The following KIAA0513 variants were observed in gnomAD, a reference collection of about 807,000 sequenced individuals.
KIAA0513 encodes KIAA0513.
KIAA0513 carries 39 observed loss-of-function variants against 56.5 expected under a neutral mutation model. That is an observed-to-expected ratio of 0.69 (90% CI 0.53 to 0.90). The LOEUF (loss-of-function observed/expected upper bound fraction) is 0.90, where lower values mean the gene tolerates loss of function less well. Among genes scored for constraint, KIAA0513 ranks in the 40% least tolerant of loss-of-function variants. The pLI is 0.00. For synonymous variants in KIAA0513, 268 were observed against 215.6 expected (o/e 1.24, Z -2.13); for missense variants, 591 against 535.2 (o/e 1.10, Z -1.03).
At position 85,056,473 on chromosome 16, in the gene KIAA0513, G is replaced by A. The variant is rs374252409; in HGVS notation, c.-172-10427G>A. Among the ~76,000 whole-genome samples the A allele has an allele frequency of 6.6e-5, 10 of 152,234 alleles. No individual in the cohort carries two copies. The East Asian group carries it at 1.4e-3, about 21-fold the overall frequency. On this transcript the variant is annotated intron_variant, in intron 1 of 12. Transcript: ENST00000683363. Reference sequence around the variant, plus strand: ...AGGGCAGCTTCACAGCCCACCCCACGGGAAATGCCTGACTTTCTCCATGTG... The same window carrying A: ...AGGGCAGCTTCACAGCCCACCCCACAGGAAATGCCTGACTTTCTCCATGTG...
intron 1 of KIAA0513, among the ~76,000 whole-genome samples, chr16:85,051,528 G>C (rs1241462023): frequency 6.6e-6 from 1 of 152,158 alleles, no homozygotes; most frequent in African/African-American, 2.4e-5. Context: ...AGACCCCAGA[G>C]AACTGTTCCG....
rs562307542 is a variant in KIAA0513, at chr16:85,076,180, G to A, written c.574+266G>A. ...TGCAAAGGAAACTCCTGAGCTGGTAGGAGATGAGAAAAGAAACAAGCTAGG... is the reference window on the plus strand; with the variant it reads ...TGCAAAGGAAACTCCTGAGCTGGTAAGAGATGAGAAAAGAAACAAGCTAGG... On this transcript the variant is annotated intron_variant, in intron 5 of 12. Transcript: ENST00000683363. This position sits in a 1 kb window ranked among gnomAD's most constrained non-coding sequence, Gnocchi z 4.7. Among the ~76,000 whole-genome samples, 53 of 152,322 alleles carry A rather than the reference G, an allele frequency of 3.5e-4. No homozygotes were observed. Among genetic ancestry groups the A allele is most frequent in the African/African-American group, 1.3e-3 (53 of 41,566 alleles).
Position 85,073,129 on chromosome 16 carries a change from C to A in KIAA0513, c.503+131C>A, listed in dbSNP as rs1034954381. On this transcript the variant is annotated intron_variant, in intron 4 of 12. Coordinates refer to ENST00000683363, the MANE Select transcript of KIAA0513 (RefSeq NM_001388359.1). Reference sequence around the variant, plus strand: ...CACTAGTCATCAGGTTGCAGTTGCTCTGCTACGCCCAGCATTCAGCTAAAA... The same window carrying A: ...CACTAGTCATCAGGTTGCAGTTGCTATGCTACGCCCAGCATTCAGCTAAAA... 14 of 780,812 alleles carry A rather than the reference C, an allele frequency of 1.8e-5. No individual in the cohort carries two copies. In the African/African-American group the frequency reaches 2.2e-4, roughly 12 times the overall value. 48.4% of individuals were successfully genotyped at this position (780,812 alleles called of 1,614,324 possible). A position where few individuals can be genotyped will look rare whatever the true frequency, so the allele number is the denominator to read the frequency against.
chr16:85,072,970 G>A lies in KIAA0513; in HGVS notation c.475G>A (p.Val159Met). 1 of 1,614,194 alleles carries A rather than the reference G, an allele frequency of 6.2e-7. No individual in the cohort carries two copies. The highest frequency in any genetic ancestry group is 8.5e-7 in the Non-Finnish European group (1 of 1,180,028). Residue 159 changes from valine (V) to methionine (M), a missense_variant, in exon 4 of 13, where the codon GTG becomes ATG. Val to Met is a conservative substitution (Grantham distance 21). Coordinates refer to ENST00000683363, the MANE Select transcript of KIAA0513 (RefSeq NM_001388359.1). Reference protein sequence around the residue: ...CVSEATFYRLVQSFAVVLFEC... With the variant: ...CVSEATFYRLMQSFAVVLFEC... ...CTCAGAGGCAACCTTCTACCGCCTG[G>A]TGCAGTCTTTTGCAGTGGTGCTGTT...
chr16:85,071,623 A>C, intron 2 of KIAA0513, 160 bp from the exon 3 acceptor site: 1 of 174,338 alleles, frequency 5.7e-6, no homozygotes, highest in Non-Finnish European at 1.1e-5. Context: ...CCCTTTCCTC[A>C]TGGGACCGCC....
chr16:85,070,559 T>C (rs1394624628), intron 2 of KIAA0513, among the ~76,000 whole-genome samples: 1 of 152,118 alleles, frequency 6.6e-6, no homozygotes, highest in Non-Finnish European at 1.5e-5. Context: ...GTGCCTGTAA[T>C]CCCTGCTACT....
At position 85,091,275 on chromosome 16, in the gene KIAA0513, G is replaced by A. The variant is rs527542913; in HGVS notation, c.*2950G>A. The A allele has an allele frequency of 6.6e-6, 1 of 152,364 alleles. No individual in the cohort carries two copies. The highest frequency in any genetic ancestry group is 1.9e-4 in the East Asian group (1 of 5,188). 9.4% of individuals were successfully genotyped at this position (152,364 alleles called of 1,614,324 possible). ...GACATGTTGACAGGCAGCATGGTAT[G>A]TTTTTAGCCTTTGTTACAGTTTTAG... On this transcript the variant is annotated 3_prime_UTR_variant, in exon 13 of 13. Coordinates refer to ENST00000683363, the MANE Select transcript of KIAA0513 (RefSeq NM_001388359.1).
rs534849522 is a variant in KIAA0513 at position 85,029,686 on chromosome 16, A to G, written c.-173+1828A>G. On this transcript the variant is annotated intron_variant, in intron 1 of 12. Coordinates refer to ENST00000683363, the MANE Select transcript of KIAA0513 (RefSeq NM_001388359.1). Reference sequence around the variant, plus strand: ...AGCAAAAGTAATCAGGTTAAAAGAAACACGAACAGCAGCCTGGGGCAGTTT... The same window carrying G: ...AGCAAAAGTAATCAGGTTAAAAGAAGCACGAACAGCAGCCTGGGGCAGTTT... Among the ~76,000 whole-genome samples the G allele has an allele frequency of 2.0e-5, 3 of 152,360 alleles. No homozygotes were observed. In the South Asian group the frequency reaches 6.2e-4, roughly 32 times the overall value.
At chr16:85,031,401 T>C (rs980591549) in intron 1 of KIAA0513, among the ~76,000 whole-genome samples, 1 of 152,154 alleles carries the variant, frequency 6.6e-6, no homozygotes, top group African/African-American at 2.4e-5. Context: ...GGAGGATCAG[T>C]TGAGCCCCAG....
intron 1 of KIAA0513, among the ~76,000 whole-genome samples, chr16:85,037,155 T>C (rs1157325003): frequency 6.6e-6 from 1 of 152,120 alleles, no homozygotes; most frequent in Non-Finnish European, 1.5e-5. Flanking sequence ...TCTTCTTCAG[T>C]GACATCCTTT....
chr16:85,060,363 C>T (rs1008766023), intron 1 of KIAA0513, among the ~76,000 whole-genome samples: 5 of 152,078 alleles, frequency 3.3e-5, no homozygotes, highest in African/African-American at 4.8e-5. Flanking sequence ...CTTTAGTCAG[C>T]GGTGGAGAGG....
At chr16:85,073,613 C>A (rs2073611755) in intron 4 of KIAA0513, among the ~76,000 whole-genome samples, 1 of 152,220 alleles carries the variant, frequency 6.6e-6, no homozygotes, top group African/African-American at 2.4e-5. Flanking sequence ...TCTCTGGGGT[C>A]AACAGACCAG....
chr16:85,073,097 A>T (rs536017591), intron 4 of KIAA0513, 99 bp downstream of exon 4: 2 of 971,066 alleles, frequency 2.1e-6, no homozygotes, highest in Non-Finnish European at 3.3e-6. Flanking sequence ...GCTGTGAACC[A>T]TATCCACACT....
chr16:85,058,417 G>T (rs1567531697), intron 1 of KIAA0513, among the ~76,000 whole-genome samples: 1 of 152,156 alleles, frequency 6.6e-6, no homozygotes, highest in Non-Finnish European at 1.5e-5. Flanking sequence ...ACTTAGGGAG[G>T]CCGAAGCAGG....
chr16:85,056,728 C>T (rs2073335913), intron 1 of KIAA0513, among the ~76,000 whole-genome samples: 1 of 152,162 alleles, frequency 6.6e-6, no homozygotes, highest in African/African-American at 2.4e-5. Flanking sequence ...GAGGTGGGGT[C>T]TCACTCTGTC....
intron 2 of KIAA0513, among the ~76,000 whole-genome samples, chr16:85,068,813 T>C (rs8063083): frequency 0.57 from 87,270 of 151,986 alleles, 27,924 homozygotes; most frequent in African/African-American, 0.86. Context: ...TCTCTTTCTT[T>C]TCCCTCCGCC....
At chr16:85,065,162 T>C (rs2073460565) in intron 1 of KIAA0513, among the ~76,000 whole-genome samples, 1 of 152,322 alleles carries the variant, frequency 6.6e-6, no homozygotes, top group African/African-American at 2.4e-5. Context: ...ATGCCGGGCA[T>C]GTTACTGTGT....
intron 4 of KIAA0513, among the ~76,000 whole-genome samples, chr16:85,074,068 G>A (rs1597633138): frequency 2.0e-5 from 3 of 151,844 alleles, no homozygotes; most frequent in South Asian, 2.1e-4. Context: ...TCCGCCTCCC[G>A]GTTTCAAGCA....
chr16:85,052,378 G>C (rs981347323), intron 1 of KIAA0513, among the ~76,000 whole-genome samples: 3 of 152,196 alleles, frequency 2.0e-5, no homozygotes. Flanking sequence ...CAGGCCTGGT[G>C]TCAGGCACCT....
Sources: gnomAD v4.1 joint callset for allele counts (sites outside exome capture counted in the v4.1 genomes callset) on GRCh38, gnomAD v4.1.1 for gene constraint, Gnocchi (gnomAD v3.1) non-coding constraint, MANE v1.5 for transcripts, NCBI Gene and HGNC (gene_info 2026-07-23, HGNC 2026-07-21) for gene names.